DPF3: variants seen among roughly 807,000 people sequenced by gnomAD.
The protein encoded by DPF3 is zinc finger protein DPF3.
DPF3 carries 18 observed loss-of-function variants against 56.8 expected under a neutral mutation model. The ratio of observed to expected loss-of-function variants is 0.32; its 90% CI spans 0.22 to 0.47. The LOEUF (loss-of-function observed/expected upper bound fraction) is 0.47. Ranked by LOEUF, DPF3 falls within the 20% of genes least tolerant of loss-of-function variation. The pLI, the probability that DPF3 is intolerant of heterozygous loss-of-function variation, is 1.00. For missense variants in DPF3, 403 were observed against 488.8 expected (o/e 0.82, Z 1.65); for synonymous variants, 188 against 180.2 (o/e 1.04, Z -0.35).
At chr14:72,733,439 C>A (rs1889759096) in intron 3 of DPF3, among the ~76,000 whole-genome samples, 1 of 152,100 alleles carries the variant, frequency 6.6e-6, no homozygotes, top group African/African-American at 2.4e-5. Flanking sequence ...GGGGCCATTA[C>A]CGCTGCTGCT....
At chr14:72,871,644 G>C (rs1399156668) in intron 1 of DPF3, among the ~76,000 whole-genome samples, 2 of 152,216 alleles carry the variant, frequency 1.3e-5, no homozygotes, top group Non-Finnish European at 2.9e-5. Context: ...CCATTAAAAT[G>C]GTAATGAGGC....
chr14:72,792,021 T>C (rs531894051), intron 1 of DPF3, among the ~76,000 whole-genome samples: 24 of 152,302 alleles, frequency 1.6e-4, no homozygotes, highest in African/African-American at 4.8e-4. Flanking sequence ...AGTCACTTTG[T>C]CCAAGGACCA....
chr14:72,690,848 C>T (rs755530664), intron 7 of DPF3, among the ~76,000 whole-genome samples: 12 of 152,200 alleles, frequency 7.9e-5, no homozygotes, highest in Middle Eastern at 3.4e-3. Flanking sequence ...CTTTAGAGAG[C>T]GCGACAATGG....
intron 2 of DPF3, among the ~76,000 whole-genome samples, chr14:72,759,775 A>G (rs1245078125): frequency 6.6e-6 from 1 of 152,174 alleles, no homozygotes; most frequent in Non-Finnish European, 1.5e-5. Flanking sequence ...AGAAAATATT[A>G]AAAGCAACCA....
At position 72,713,344 on chromosome 14, in the gene DPF3, T is replaced by C. The variant is rs139969822; in HGVS notation, c.604+1079A>G. ...CCCCATTGGACACAGAACAACTTTT[T>C]GAAATCAAAAGAGGCCAGTGAAGGG... On this transcript the variant is annotated intron_variant, in intron 6 of 10. Coordinates refer to ENST00000556509, the MANE Select transcript of DPF3 (RefSeq NM_001280542.3). 5.2e-3 allele frequency among the ~76,000 whole-genome samples: 797 copies of C among 152,304 alleles called. 8 individuals carry two copies. Among genetic ancestry groups the C allele is most frequent in the African/African-American group, 0.018 (758 of 41,558 alleles).
At chr14:72,793,353 C>T (rs1892515971) in intron 1 of DPF3, among the ~76,000 whole-genome samples, 1 of 152,186 alleles carries the variant, frequency 6.6e-6, no homozygotes, top group African/African-American at 2.4e-5. Flanking sequence ...AGGTCACTTG[C>T]TTTCTCTTCA....
intron 3 of DPF3, among the ~76,000 whole-genome samples, chr14:72,743,240 A>AC (rs1890200269): frequency 6.6e-6 from 1 of 152,174 alleles, no homozygotes; most frequent in African/African-American, 2.4e-5. Context: ...GAAGGGATCG[A>AC]CAAGGCCTCA....
chr14:72,739,607 G>C (rs1404273937), intron 3 of DPF3, among the ~76,000 whole-genome samples: 1 of 152,212 alleles, frequency 6.6e-6, no homozygotes, highest in Non-Finnish European at 1.5e-5. Context: ...AGCCCAGGGA[G>C]GATGGAAACA....
At chr14:72,803,196 C>A (rs769291009) in intron 1 of DPF3, among the ~76,000 whole-genome samples, 30 of 152,250 alleles carry the variant, frequency 2.0e-4, no homozygotes, top group Non-Finnish European at 4.3e-4. Flanking sequence ...CATCCAGTGG[C>A]CTTTCTGTCC....
intron 1 of DPF3, among the ~76,000 whole-genome samples, chr14:72,828,611 G>A (rs1476160633): frequency 6.6e-6 from 1 of 151,548 alleles, no homozygotes; most frequent in Non-Finnish European, 1.5e-5. Flanking sequence ...GAGTGGGCCA[G>A]CAATCTATGC....
chr14:72,735,859 C>G (rs773803957), intron 3 of DPF3, among the ~76,000 whole-genome samples: 1 of 152,076 alleles, frequency 6.6e-6, no homozygotes, highest in Non-Finnish European at 1.5e-5. Context: ...CATAAAGAAA[C>G]GCTAAAAGAA....
intron 3 of DPF3, among the ~76,000 whole-genome samples, chr14:72,749,361 G>A (rs183261184): frequency 6.3e-4 from 96 of 152,328 alleles, no homozygotes; most frequent in African/African-American, 2.0e-3. Context: ...CCCAGTGCCT[G>A]TACCCCCATT....
intron 9 of DPF3, among the ~76,000 whole-genome samples, chr14:72,622,110 T>A (rs574155373): frequency 5.3e-5 from 8 of 152,352 alleles, no homozygotes; most frequent in African/African-American, 1.9e-4. Context: ...GAAGTGTCCA[T>A]GAACCCCTTG....
chr14:72,721,803 C>T (rs1473050940), intron 5 of DPF3, among the ~76,000 whole-genome samples: 1 of 152,132 alleles, frequency 6.6e-6, no homozygotes. Flanking sequence ...AATCAAACTA[C>T]CAGTTTTCAG....
At chr14:72,669,463 T>C (rs1886577500) in intron 8 of DPF3, among the ~76,000 whole-genome samples, 1 of 152,200 alleles carries the variant, frequency 6.6e-6, no homozygotes. Flanking sequence ...AGGGATCTTC[T>C]TTAATTTGGA....
intron 9 of DPF3, among the ~76,000 whole-genome samples, chr14:72,624,697 T>C (rs1210522465): frequency 6.6e-6 from 1 of 152,204 alleles, no homozygotes; most frequent in East Asian, 1.9e-4. Flanking sequence ...CATTTAATTG[T>C]TGTGTTTTCT....
intron 1 of DPF3, among the ~76,000 whole-genome samples, chr14:72,812,469 G>C (rs1264512779): frequency 6.6e-6 from 1 of 152,156 alleles, no homozygotes; most frequent in East Asian, 1.9e-4. Context: ...GAGGGGCTTG[G>C]AGGCAACATC....
chr14:72,665,954 A>T (rs1886426714), intron 8 of DPF3, among the ~76,000 whole-genome samples: 1 of 152,184 alleles, frequency 6.6e-6, no homozygotes, highest in Non-Finnish European at 1.5e-5. Flanking sequence ...CAGTGGTGAG[A>T]TACTTTGAAA....
chr14:72,806,351 T>G (rs931154884), intron 1 of DPF3, among the ~76,000 whole-genome samples: 1 of 152,114 alleles, frequency 6.6e-6, no homozygotes, highest in East Asian at 1.9e-4. Context: ...AGAGCCTTGA[T>G]TCTACTCATT....
Sources: gnomAD v4.1 joint callset for allele counts (sites outside exome capture counted in the v4.1 genomes callset) on GRCh38, gnomAD v4.1.1 for gene constraint, MANE v1.5 for transcripts, NCBI Gene and HGNC (gene_info 2026-07-23, HGNC 2026-07-21) for gene names.